The following GPATCH8 variants were observed in gnomAD, a reference collection of about 807,000 sequenced individuals.
The protein encoded by GPATCH8 is G patch domain-containing protein 8.
In GPATCH8, 18 loss-of-function variants were observed where a neutral mutation model predicts 118.3. The observed-to-expected ratio is 0.15, with a 90% CI of 0.11 to 0.23. The LOEUF (loss-of-function observed/expected upper bound fraction) is 0.23. Ranked by LOEUF, GPATCH8 falls within the 10% of genes least tolerant of loss-of-function variation. The pLI is 1.00. For synonymous variants in GPATCH8, 659 were observed against 684.7 expected (o/e 0.96, Z 0.59); for missense variants, 1,631 against 1,873.8 (o/e 0.87, Z 2.39).
At chr17:44,483,705 G>C (rs543847399) in intron 1 of GPATCH8, among the ~76,000 whole-genome samples, 1 of 151,592 alleles carries the variant, frequency 6.6e-6, no homozygotes, top group Non-Finnish European at 1.5e-5. Context: ...GCTGTGGCAC[G>C]ATCTCAACTC....
At chr17:44,478,006 G>A (rs1239971248) in intron 1 of GPATCH8, among the ~76,000 whole-genome samples, 1 of 35,244 alleles carries the variant, frequency 2.8e-5, no homozygotes, top group East Asian at 1.1e-3. Flanking sequence ...GATGGGGTGG[G>A]GGGTGGGGGG....
At chr17:44,457,215 T>A (rs1190779061) in intron 3 of GPATCH8, among the ~76,000 whole-genome samples, 2 of 152,110 alleles carry the variant, frequency 1.3e-5, no homozygotes, top group Admixed American at 1.3e-4. Flanking sequence ...AGAGAGTCTA[T>A]CTTTAACAAA....
rs1450123064 is a variant in GPATCH8 at position 44,396,766 on chromosome 17, AT to A, written c.*801del. On this transcript the variant is annotated 3_prime_UTR_variant, in exon 8 of 8. Transcript: ENST00000591680. ...ATTTACGTTTATAGAGTTCAGTGCA[AT>A]TTTTTACATTAAAAAAATCCTATAA... 2 of 453,736 alleles carry A rather than the reference AT, an allele frequency of 4.4e-6. No individual in the cohort carries two copies. Among genetic ancestry groups the A allele is most frequent in the South Asian group, 3.1e-5 (2 of 64,260 alleles). The allele number at this position is 453,736 out of a possible 1,614,324, so 28.1% of individuals were successfully genotyped here. A position where few individuals can be genotyped will look rare whatever the true frequency, so the allele number is the denominator to read the frequency against.
chr17:44,479,764 C>T (rs1460229663), intron 1 of GPATCH8, among the ~76,000 whole-genome samples: 2 of 151,884 alleles, frequency 1.3e-5, no homozygotes, highest in African/African-American at 2.4e-5. Context: ...GTCAGGAGTT[C>T]GAGACCAGCC....
chr17:44,439,839 A>G (rs547957611), intron 3 of GPATCH8, among the ~76,000 whole-genome samples: 3 of 150,006 alleles, frequency 2.0e-5, no homozygotes, highest in South Asian at 4.2e-4. Flanking sequence ...GCTGGAGTGC[A>G]ATGGCGCAAT....
At chr17:44,413,766 C>T (rs2049541268) in intron 6 of GPATCH8, among the ~76,000 whole-genome samples, 1 of 152,084 alleles carries the variant, frequency 6.6e-6, no homozygotes, top group Admixed American at 6.6e-5. Context: ...ATTACAGGCA[C>T]GTGCCACCAT....
At chr17:44,492,732 T>C (rs1969353767) in intron 1 of GPATCH8, among the ~76,000 whole-genome samples, 1 of 152,160 alleles carries the variant, frequency 6.6e-6, no homozygotes, top group Admixed American at 6.6e-5. Context: ...ACCCTCACCA[T>C]ATATCACAGT....
intron 6 of GPATCH8, among the ~76,000 whole-genome samples, chr17:44,423,418 C>T (rs1256366315): frequency 6.6e-6 from 1 of 152,136 alleles, no homozygotes; most frequent in Non-Finnish European, 1.5e-5. Flanking sequence ...AAGAATAAAA[C>T]TTGGTCAAAG....
chr17:44,476,721 T>C (rs1367796668), intron 1 of GPATCH8, among the ~76,000 whole-genome samples: 1 of 152,198 alleles, frequency 6.6e-6, no homozygotes, highest in East Asian at 1.9e-4. Context: ...CCAAAGCAAC[T>C]ATTCCTCAAG....
At chr17:44,443,470 T>C (rs981798039) in intron 3 of GPATCH8, among the ~76,000 whole-genome samples, 4 of 152,158 alleles carry the variant, frequency 2.6e-5, no homozygotes, top group Non-Finnish European at 4.4e-5. Context: ...ACATATGATA[T>C]ATGCTACCTC....
chr17:44,416,372 C>A (rs1029390605), intron 6 of GPATCH8, among the ~76,000 whole-genome samples: 1 of 152,022 alleles, frequency 6.6e-6, no homozygotes, highest in African/African-American at 2.4e-5. Flanking sequence ...AAGTTTACTC[C>A]CAACATAAGC....
chr17:44,463,390 T>G (rs1322824878), intron 3 of GPATCH8, among the ~76,000 whole-genome samples: 5 of 152,168 alleles, frequency 3.3e-5, no homozygotes, highest in African/African-American at 1.2e-4. Flanking sequence ...TCCCGTAATT[T>G]TTTTCTTTTC....
Position 44,427,061 on chromosome 17 carries a change from T to C in GPATCH8, c.349-2569A>G, listed in dbSNP as rs185055683. 2.0e-4 allele frequency among the ~76,000 whole-genome samples: 30 copies of C among 152,148 alleles called. No individual in the cohort carries two copies. In the East Asian group the frequency reaches 5.4e-3, roughly 27 times the overall value. On this transcript the variant is annotated intron_variant, in intron 5 of 7. Coordinates refer to ENST00000591680, the MANE Select transcript of GPATCH8 (RefSeq NM_001002909.4). ...TATACATAAGTTGATATATATGTAATTGCCTAAATTAATATTACTATTTTT... is the reference window on the plus strand; with the variant it reads ...TATACATAAGTTGATATATATGTAACTGCCTAAATTAATATTACTATTTTT...
At chr17:44,438,936 C>T (rs966086359) in intron 3 of GPATCH8, among the ~76,000 whole-genome samples, 3 of 152,144 alleles carry the variant, frequency 2.0e-5, no homozygotes, top group African/African-American at 7.2e-5. Context: ...ACATGAACAA[C>T]ACCCTCTTCA....
chr17:44,403,290 G>A (rs1446621315), intron 7 of GPATCH8, among the ~76,000 whole-genome samples: 1 of 152,096 alleles, frequency 6.6e-6, no homozygotes, highest in Non-Finnish European at 1.5e-5. Flanking sequence ...GGCCAGGATG[G>A]TCTTGATCTC....
intron 3 of GPATCH8, among the ~76,000 whole-genome samples, chr17:44,448,505 G>GAAA (rs1471204492): frequency 8.6e-5 from 7 of 81,526 alleles, no homozygotes; most frequent in African/African-American, 3.7e-4. Context: ...AAAAAAAAAG[G>GAAA]GGGGGGGGGG....
intron 2 of GPATCH8, among the ~76,000 whole-genome samples, chr17:44,466,237 G>A (rs1465180379): frequency 1.3e-5 from 2 of 151,894 alleles, no homozygotes; most frequent in Non-Finnish European, 2.9e-5. Context: ...AGAACTCCTG[G>A]GCTCAAGCAA....
intron 7 of GPATCH8, among the ~76,000 whole-genome samples, chr17:44,403,439 G>C (rs2143671058): frequency 6.6e-6 from 1 of 152,044 alleles, no homozygotes; most frequent in South Asian, 2.1e-4. Flanking sequence ...GTTTGGTCTT[G>C]AACACCTGGC....
intron 3 of GPATCH8, among the ~76,000 whole-genome samples, chr17:44,440,086 C>G (rs547745436): frequency 6.6e-6 from 1 of 152,206 alleles, no homozygotes; most frequent in East Asian, 1.9e-4. Flanking sequence ...CCGGCCTCAA[C>G]TTCTTTTAAA....
Sources: gnomAD v4.1 joint callset for allele counts (sites outside exome capture counted in the v4.1 genomes callset) on GRCh38, gnomAD v4.1.1 for gene constraint, MANE v1.5 for transcripts, NCBI Gene and HGNC (gene_info 2026-07-23, HGNC 2026-07-21) for gene names.